Variants in CDH12 observed in about 807,000 individuals in gnomAD.
CDH12 encodes the protein cadherin 12.
CDH12 carries 41 observed loss-of-function variants against 74.1 expected under a neutral mutation model. The observed-to-expected ratio is 0.55, with a 90% CI of 0.43 to 0.72. CDH12 has a LOEUF of 0.72. Ranked by LOEUF, CDH12 falls within the 30% of genes least tolerant of loss-of-function variation. The pLI is 0.00. For synonymous variants in CDH12, 399 were observed against 355.0 expected (o/e 1.12, Z -1.39); for missense variants, 945 against 977.2 (o/e 0.97, Z 0.44).
At chr5:21,771,178 C>A (rs574435642) in intron 11 of CDH12, among the ~76,000 whole-genome samples, 2 of 149,902 alleles carry the variant, frequency 1.3e-5, no homozygotes, top group African/African-American at 2.5e-5. Context: ...CACATGTACC[C>A]TTGAACCTAA....
intron 3 of CDH12, among the ~76,000 whole-genome samples, chr5:22,360,830 C>G (rs1245591965): frequency 6.6e-6 from 1 of 152,080 alleles, no homozygotes; most frequent in Non-Finnish European, 1.5e-5. Context: ...AGACAAAAAC[C>G]ACATGATTAT....
intron 3 of CDH12, among the ~76,000 whole-genome samples, chr5:22,341,863 C>G (rs1739866336): frequency 6.6e-6 from 1 of 151,962 alleles, no homozygotes; most frequent in Non-Finnish European, 1.5e-5. Flanking sequence ...TCTACAGAGA[C>G]AGAGGTACTC....
At chr5:21,812,671 A>T (rs944369205) in intron 9 of CDH12, among the ~76,000 whole-genome samples, 1 of 152,180 alleles carries the variant, frequency 6.6e-6, no homozygotes, top group Non-Finnish European at 1.5e-5. Flanking sequence ...TATCATGTTT[A>T]ATTGAGTAAT....
chr5:21,840,742 A>G (rs1749795076), intron 8 of CDH12, among the ~76,000 whole-genome samples: 1 of 152,138 alleles, frequency 6.6e-6, no homozygotes, highest in Non-Finnish European at 1.5e-5. Flanking sequence ...CCTGAGAAAA[A>G]CAAGCAATTG....
At chr5:22,324,245 G>T (rs182766515) in intron 3 of CDH12, among the ~76,000 whole-genome samples, 1 of 152,048 alleles carries the variant, frequency 6.6e-6, no homozygotes, top group Non-Finnish European at 1.5e-5. Context: ...AGTTAGGAAT[G>T]ATTTCAGTTA....
chr5:21,882,423 T>C (rs1357066977), intron 6 of CDH12, among the ~76,000 whole-genome samples: 1 of 152,220 alleles, frequency 6.6e-6, no homozygotes, highest in Admixed American at 6.5e-5. Context: ...CAGACATAGA[T>C]TGGCTGTATT....
intron 2 of CDH12, among the ~76,000 whole-genome samples, chr5:22,410,729 T>C (rs1382399544): frequency 6.6e-6 from 1 of 152,036 alleles, no homozygotes; most frequent in African/African-American, 2.4e-5. Context: ...TCAATTTCAA[T>C]AAAGAACATA....
At chr5:22,222,439 T>C (rs1180051118) in intron 3 of CDH12, among the ~76,000 whole-genome samples, 1 of 151,974 alleles carries the variant, frequency 6.6e-6, no homozygotes, top group Non-Finnish European at 1.5e-5. Context: ...AGGTGCCTTT[T>C]TATGTTGCCA....
At chr5:22,083,693 A>G (rs975438250) in intron 4 of CDH12, among the ~76,000 whole-genome samples, 13 of 152,136 alleles carry the variant, frequency 8.5e-5, no homozygotes, top group Admixed American at 8.5e-4. Context: ...TGACTTGACC[A>G]TGATCTACAT....
chr5:21,764,244 C>G (rs1049399416), intron 12 of CDH12, among the ~76,000 whole-genome samples: 3 of 151,838 alleles, frequency 2.0e-5, no homozygotes, highest in Admixed American at 1.3e-4. Context: ...CGTGGTTGCG[C>G]GCGCCTATAG....
chr5:21,944,360 C>T (rs1032810319), intron 6 of CDH12, among the ~76,000 whole-genome samples: 3 of 152,058 alleles, frequency 2.0e-5, no homozygotes, highest in Non-Finnish European at 4.4e-5. Context: ...AAAGGGTCAT[C>T]TGGGGTGTGC....
intron 2 of CDH12, among the ~76,000 whole-genome samples, chr5:22,465,523 G>A (rs1473925406): frequency 3.9e-5 from 6 of 152,146 alleles, no homozygotes; most frequent in Non-Finnish European, 7.3e-5. Context: ...GTGCATACCT[G>A]TAGTCCTAGC....
intron 1 of CDH12, among the ~76,000 whole-genome samples, chr5:22,671,341 A>G (rs1740889951): frequency 6.6e-6 from 1 of 152,260 alleles, no homozygotes; most frequent in African/African-American, 2.4e-5. Flanking sequence ...CACTATGCTG[A>G]ACAGCAGATC....
chr5:22,711,318 A>G (rs1218805610), intron 1 of CDH12, among the ~76,000 whole-genome samples: 2 of 152,150 alleles, frequency 1.3e-5, no homozygotes, highest in East Asian at 3.9e-4. Flanking sequence ...AAGTAAGTGG[A>G]TAAACAAAAC....
At chr5:21,770,110 C>G (rs1024312794) in intron 11 of CDH12, among the ~76,000 whole-genome samples, 4 of 152,082 alleles carry the variant, frequency 2.6e-5, no homozygotes, top group Admixed American at 6.6e-5. Flanking sequence ...CATCTAGCCA[C>G]CAGGCTATGA....
intron 4 of CDH12, among the ~76,000 whole-genome samples, chr5:22,132,561 T>G (rs186574112): frequency 1.3e-5 from 2 of 151,272 alleles, no homozygotes; most frequent in Admixed American, 6.6e-5. Flanking sequence ...ACAAACTCCT[T>G]AAGAACAACA....
At chr5:22,129,141 T>C (rs964017534) in intron 4 of CDH12, among the ~76,000 whole-genome samples, 5 of 152,114 alleles carry the variant, frequency 3.3e-5, no homozygotes, top group Admixed American at 3.3e-4. Flanking sequence ...AAAAATAAAT[T>C]AAATGTAGGA....
chr5:22,281,582 GACAA>G (rs886140477), intron 3 of CDH12, among the ~76,000 whole-genome samples: 57 of 152,008 alleles, frequency 3.7e-4, no homozygotes, highest in African/African-American at 1.2e-3. Context: ...ACAAATAATA[GACAA>G]ACAAAGAGCC....
chr5:22,421,265 T>G (rs1028834058), intron 2 of CDH12, among the ~76,000 whole-genome samples: 3 of 152,180 alleles, frequency 2.0e-5, no homozygotes, highest in Admixed American at 2.0e-4. Flanking sequence ...GGTATACACG[T>G]GCCATGGTGG....
Sources: allele counts gnomAD v4.1 joint callset (sites outside exome capture counted in the v4.1 genomes callset), GRCh38; gene constraint gnomAD v4.1.1; transcripts MANE v1.5; gene names NCBI Gene and HGNC (gene_info 2026-07-23, HGNC 2026-07-21).